IFT140: variants seen among roughly 807,000 people sequenced by gnomAD.
IFT140 encodes intraflagellar transport protein 140 homolog.
Under a neutral mutation model 164.6 loss-of-function variants are expected in IFT140, and 133 were observed. That is an observed-to-expected ratio of 0.81 (90% CI 0.70 to 0.93). The LOEUF (loss-of-function observed/expected upper bound fraction) is 0.93. Ranked by LOEUF, IFT140 falls within the 40% of genes least tolerant of loss-of-function variation. The probability of loss-of-function intolerance (pLI) is 0.00; values close to 1 mark genes in which losing one functional copy is unlikely to be tolerated. For missense variants in IFT140, 2,045 were observed against 1,972.3 expected (o/e 1.04, Z -0.70); for synonymous variants, 860 against 817.3 (o/e 1.05, Z -0.89).
chr16:1,525,484 CA>C (rs111396966), intron 21 of IFT140, among the ~76,000 whole-genome samples, 158 bp from the exon 22 acceptor site: 19 of 152,306 alleles, frequency 1.2e-4, no homozygotes, highest in African/African-American at 4.6e-4. Context: ...CACACGTGGC[CA>C]GGGGGCAGTG....
chr16:1,510,882 G>C lies in IFT140; in HGVS notation c.*62C>G. On this transcript the variant is annotated 3_prime_UTR_variant, in exon 31 of 31. Coordinates refer to ENST00000426508, the MANE Select transcript of IFT140 (RefSeq NM_014714.4). Reference sequence around the variant, plus strand: ...CAAAAATGCTGGCTTTGCCACAGCTGACAAAAAAATTCCAGAAGATGCCTT... The same window carrying C: ...CAAAAATGCTGGCTTTGCCACAGCTCACAAAAAAATTCCAGAAGATGCCTT... The C allele has an allele frequency of 1.3e-6, 2 of 1,483,828 alleles. No individual in the cohort carries two copies. The highest frequency in any genetic ancestry group is 2.4e-5 in the South Asian group (2 of 84,294). The allele number at this position is 1,483,828 out of a possible 1,614,324, so 91.9% of individuals were successfully genotyped here. A position where few individuals can be genotyped will look rare whatever the true frequency, so the allele number is the denominator to read the frequency against.
chr16:1,514,605 C>T (rs1016078624), intron 30 of IFT140: 5 of 152,026 alleles, frequency 3.3e-5, no homozygotes, highest in East Asian at 1.9e-4. Context: ...GAAAGAGTTT[C>T]GGCTCTGAGC....
At chr16:1,554,946 C>T (rs747873825) in intron 19 of IFT140, 26 of 1,614,020 alleles carry the variant, frequency 1.6e-5, no homozygotes, top group Middle Eastern at 1.6e-4. Context: ...CATGGCCCCC[C>T]GGGTGATTGT....
intron 19 of IFT140, among the ~76,000 whole-genome samples, chr16:1,547,495 C>T (rs1159787160): frequency 6.6e-6 from 1 of 152,176 alleles, no homozygotes; most frequent in Admixed American, 6.5e-5. Context: ...TGGAAATATA[C>T]ACTTTTTTGT....
chr16:1,554,141 T>A (rs1415972049), intron 19 of IFT140: 10 of 1,286,738 alleles, frequency 7.8e-6, no homozygotes, highest in Non-Finnish European at 1.0e-5. Flanking sequence ...ACACCAGATA[T>A]AGCCAAGGAG....
intron 4 of IFT140, among the ~76,000 whole-genome samples, chr16:1,596,644 G>A (rs923272396): frequency 2.6e-5 from 4 of 152,196 alleles, no homozygotes; most frequent in African/African-American, 9.7e-5. Context: ...CCAACTCAGG[G>A]GAAAGGAAAT....
rs935532472 is a variant in IFT140, at chr16:1,566,425, T to G, written c.1771-134A>C. ...TCACCAAGTCCACAGGCCACTCATCTTCCAAGGACTAGCATGCTTTCAATA... is the reference window on the plus strand; with the variant it reads ...TCACCAAGTCCACAGGCCACTCATCGTCCAAGGACTAGCATGCTTTCAATA... On this transcript the variant is annotated intron_variant, in intron 15 of 30. Coordinates refer to ENST00000426508, the MANE Select transcript of IFT140 (RefSeq NM_014714.4). 4.0e-6 allele frequency: 3 copies of G among 740,932 alleles called. No individual in the cohort carries two copies. In the African/African-American group the frequency reaches 5.3e-5, roughly 13 times the overall value. 45.9% of individuals were successfully genotyped at this position (740,932 alleles called of 1,614,324 possible). A position where few individuals can be genotyped will look rare whatever the true frequency, so the allele number is the denominator to read the frequency against.
intron 19 of IFT140, chr16:1,540,730 C>G: frequency 7.3e-6 from 5 of 685,198 alleles, no homozygotes; most frequent in Non-Finnish European, 9.0e-6. Context: ...CATCAGTTAC[C>G]TGAAGAGTGC....
chr16:1,518,106 G>A, intron 30 of IFT140, 110 bp downstream of exon 30: 1 of 1,099,266 alleles, frequency 9.1e-7, no homozygotes, highest in Non-Finnish European at 1.3e-6. Context: ...CCAAAGTGCT[G>A]GGATTACAGG....
At chr16:1,540,953 C>A in intron 19 of IFT140, 1 of 985,412 alleles carries the variant, frequency 1.0e-6, no homozygotes, top group Non-Finnish European at 1.2e-6. Context: ...CGTGCAGGGG[C>A]CTGGGAACAC....
intron 19 of IFT140, among the ~76,000 whole-genome samples, chr16:1,540,118 C>A (rs1199877847): frequency 6.6e-6 from 1 of 152,158 alleles, no homozygotes; most frequent in Non-Finnish European, 1.5e-5. Context: ...TGCTGGGACG[C>A]CGAAAGCCTA....
intron 19 of IFT140, among the ~76,000 whole-genome samples, chr16:1,543,453 C>A (rs776787565): frequency 5.3e-5 from 8 of 152,218 alleles, no homozygotes; most frequent in Non-Finnish European, 1.2e-4. Context: ...CAAGTCACTT[C>A]CCCTGGCGGG....
chr16:1,589,186 A>G (rs2035050466), intron 7 of IFT140, among the ~76,000 whole-genome samples: 1 of 152,220 alleles, frequency 6.6e-6, no homozygotes, highest in South Asian at 2.1e-4. Context: ...CTTTAGGGAA[A>G]GTTCAGTGGC....
At chr16:1,599,351 C>T (rs1199107918) in intron 4 of IFT140, among the ~76,000 whole-genome samples, 5 of 74,176 alleles carry the variant, frequency 6.7e-5, no homozygotes, top group African/African-American at 8.7e-5. Context: ...CCAGGCCAGC[C>T]GCCCCATCCG....
chr16:1,571,318 T>C, intron 14 of IFT140, 89 bp downstream of exon 14: 1 of 1,309,994 alleles, frequency 7.6e-7, no homozygotes, highest in South Asian at 1.4e-5. Context: ...CTAAGGAGTC[T>C]TCTGGCTTCT....
intron 2 of IFT140, among the ~76,000 whole-genome samples, chr16:1,609,801 G>C (rs2036249975): frequency 6.6e-6 from 1 of 152,160 alleles, no homozygotes; most frequent in Non-Finnish European, 1.5e-5. Flanking sequence ...CAATAAAATA[G>C]TTATGTACTT....
intron 2 of IFT140, among the ~76,000 whole-genome samples, chr16:1,609,473 C>T (rs1401586541): frequency 2.0e-5 from 3 of 152,138 alleles, no homozygotes; most frequent in African/African-American, 7.2e-5. Context: ...TAGACTTTAC[C>T]GTAAATGTGA....
chr16:1,572,545 C>G (rs1476112923), intron 13 of IFT140, among the ~76,000 whole-genome samples: 1 of 152,174 alleles, frequency 6.6e-6, no homozygotes, highest in Non-Finnish European at 1.5e-5. Context: ...ACTCGGGAGG[C>G]TGAGGCAGGA....
At chr16:1,593,101 A>G (rs1024184917) in intron 4 of IFT140, among the ~76,000 whole-genome samples, 1 of 152,360 alleles carries the variant, frequency 6.6e-6, no homozygotes, top group African/African-American at 2.4e-5. Flanking sequence ...GTGTCCTGGC[A>G]GAGTGACTGG....
Sources: allele counts gnomAD v4.1 joint callset (sites outside exome capture counted in the v4.1 genomes callset), GRCh38; gene constraint gnomAD v4.1.1; transcripts MANE v1.5; gene names NCBI Gene and HGNC (gene_info 2026-07-23, HGNC 2026-07-21).